MAP2: variants seen among roughly 807,000 people sequenced by gnomAD.
The protein encoded by MAP2 is microtubule associated protein 2.
A neutral mutation model predicts 137.6 loss-of-function variants in MAP2; 14 were observed. The ratio of observed to expected loss-of-function variants is 0.10; its 90% CI spans 0.07 to 0.16. The LOEUF is 0.16. MAP2 is among the 10% of genes least tolerant of loss of function. The pLI, the probability that MAP2 is intolerant of heterozygous loss-of-function variation, is 1.00. For synonymous variants in MAP2, 786 were observed against 782.3 expected (o/e 1.00, Z -0.08); for missense variants, 2,088 against 2,191.5 (o/e 0.95, Z 0.94).
intron 5 of MAP2, among the ~76,000 whole-genome samples, chr2:209,668,994 A>G (rs2047564698): frequency 6.6e-6 from 1 of 152,094 alleles, no homozygotes. Context: ...AAGAACTACC[A>G]TGTCTATTTA....
rs983195020 is a variant in MAP2 at position 209,733,242 on chromosome 2, A to G, written c.*2845A>G. 1.6e-4 allele frequency: 25 copies of G among 152,634 alleles called. No individual in the cohort carries two copies. Among genetic ancestry groups the G allele is most frequent in the Admixed American group, 1.6e-3 (25 of 15,274 alleles). 9.5% of individuals were successfully genotyped at this position (152,634 alleles called of 1,614,324 possible). On this transcript the variant is annotated 3_prime_UTR_variant, in exon 16 of 16. Transcript: ENST00000682079. ...GCAACCAGAAATTGGATACCTCATA[A>G]TGATGCAGGAAAGACCCGAGTTCAT...
At chr2:209,618,076 A>T (rs1166633689) in intron 3 of MAP2, among the ~76,000 whole-genome samples, 1 of 152,184 alleles carries the variant, frequency 6.6e-6, no homozygotes, top group East Asian at 1.9e-4. Flanking sequence ...TATCAAATAA[A>T]TATAAGAAAC....
chr2:209,561,977 A>G (rs1259817068), intron 2 of MAP2, among the ~76,000 whole-genome samples: 1 of 152,186 alleles, frequency 6.6e-6, no homozygotes, highest in Admixed American at 6.5e-5. Flanking sequence ...TGACCATTAT[A>G]TAAACAAGGA....
chr2:209,697,541 A>G (rs1406223572), intron 10 of MAP2, among the ~76,000 whole-genome samples: 2 of 152,200 alleles, frequency 1.3e-5, no homozygotes, highest in Non-Finnish European at 1.5e-5. Flanking sequence ...AAAGCAAGCC[A>G]GGAAGTGAAA....
intron 5 of MAP2, chr2:209,661,568 G>A (rs992295074): frequency 1.6e-5 from 16 of 985,342 alleles, no homozygotes; most frequent in Non-Finnish European, 1.9e-5. Flanking sequence ...GGCACCGATG[G>A]ATGAGGACAG....
intron 4 of MAP2, among the ~76,000 whole-genome samples, chr2:209,630,645 A>G (rs986706008): frequency 1.3e-5 from 2 of 151,980 alleles, no homozygotes; most frequent in African/African-American, 2.4e-5. Flanking sequence ...ATTCCCCTTT[A>G]TTGAATTTTA....
At chr2:209,598,225 G>A (rs374326278) in intron 3 of MAP2, among the ~76,000 whole-genome samples, 129 of 151,488 alleles carry the variant, frequency 8.5e-4, no homozygotes, top group African/African-American at 2.8e-3. Context: ...CAGGCTGGTC[G>A]CGAACTCCTG....
At chr2:209,572,694 C>T (rs570390954) in intron 2 of MAP2, among the ~76,000 whole-genome samples, 20 of 152,216 alleles carry the variant, frequency 1.3e-4, no homozygotes, top group African/African-American at 4.6e-4. Flanking sequence ...TTTTGTTCCT[C>T]AGTAATAAAT....
At chr2:209,534,473 G>C (rs2065652561) in intron 2 of MAP2, among the ~76,000 whole-genome samples, 1 of 152,228 alleles carries the variant, frequency 6.6e-6, no homozygotes, top group Admixed American at 6.5e-5. Flanking sequence ...AAACTGTTGT[G>C]TACGGGGGTG....
At chr2:209,558,482 C>G (rs1169752581) in intron 2 of MAP2, among the ~76,000 whole-genome samples, 1 of 152,090 alleles carries the variant, frequency 6.6e-6, no homozygotes, top group Non-Finnish European at 1.5e-5. Flanking sequence ...AGCCACCACG[C>G]CCGGCCACAC....
intron 1 of MAP2, among the ~76,000 whole-genome samples, chr2:209,474,017 A>AG (rs1706500365): frequency 6.6e-6 from 1 of 152,190 alleles, no homozygotes; most frequent in South Asian, 2.1e-4. Flanking sequence ...TCTACTCCGC[A>AG]GTGCTCTACT....
At chr2:209,684,991 A>C (rs1174837422) in intron 7 of MAP2, among the ~76,000 whole-genome samples, 1 of 152,202 alleles carries the variant, frequency 6.6e-6, no homozygotes, top group African/African-American at 2.4e-5. Flanking sequence ...AGATGTATGG[A>C]GTCAGACATT....
At chr2:209,717,366 G>A (rs1398997537) in intron 13 of MAP2, among the ~76,000 whole-genome samples, 4 of 152,134 alleles carry the variant, frequency 2.6e-5, no homozygotes, top group Non-Finnish European at 1.5e-5. Flanking sequence ...CTTGAGAACA[G>A]CAAGGGGGAA....
intron 13 of MAP2, among the ~76,000 whole-genome samples, chr2:209,723,025 G>A (rs962223014): frequency 2.0e-5 from 3 of 152,160 alleles, no homozygotes; most frequent in South Asian, 2.1e-4. Flanking sequence ...AAGTTTCTTC[G>A]TTGACCCTCC....
At chr2:209,537,541 A>AAT (rs1389053683) in intron 2 of MAP2, among the ~76,000 whole-genome samples, 13 of 152,244 alleles carry the variant, frequency 8.5e-5, no homozygotes, top group Non-Finnish European at 1.6e-4. Context: ...ATTAGAAGCT[A>AAT]ATTACAGGTA....
intron 3 of MAP2, among the ~76,000 whole-genome samples, chr2:209,621,691 TTTG>T (rs1211204804): frequency 6.6e-6 from 1 of 152,212 alleles, no homozygotes; most frequent in East Asian, 1.9e-4. Flanking sequence ...TCTTGATGAC[TTTG>T]TTGTTTAATA....
chr2:209,545,077 A>G (rs1304737978), intron 2 of MAP2, among the ~76,000 whole-genome samples: 3 of 152,192 alleles, frequency 2.0e-5, no homozygotes, highest in Non-Finnish European at 4.4e-5. Flanking sequence ...AATTTTAGCT[A>G]TGGGATAATA....
intron 2 of MAP2, among the ~76,000 whole-genome samples, chr2:209,560,845 T>G (rs114041811): frequency 0.02 from 2,980 of 152,266 alleles, 90 homozygotes; most frequent in African/African-American, 0.068. Flanking sequence ...TTTCTTGCTT[T>G]TGCCGTATCA....
chr2:209,609,449 A>G (rs190274606), intron 3 of MAP2, among the ~76,000 whole-genome samples: 23 of 152,252 alleles, frequency 1.5e-4, no homozygotes, highest in African/African-American at 5.1e-4. Context: ...ATCTAATTTT[A>G]GAAGGTTTTT....
Sources: gnomAD v4.1 joint callset for allele counts (sites outside exome capture counted in the v4.1 genomes callset) on GRCh38, gnomAD v4.1.1 for gene constraint, MANE v1.5 for transcripts, NCBI Gene and HGNC (gene_info 2026-07-23, HGNC 2026-07-21) for gene names.